The following KCNMA1 variants were observed in gnomAD, a reference collection of about 807,000 sequenced individuals.
KCNMA1 encodes Calcium-activated potassium channel subunit alpha-1.
Under a neutral mutation model 140.0 loss-of-function variants are expected in KCNMA1, and 29 were observed. The ratio of observed to expected loss-of-function variants is 0.21; its 90% CI spans 0.15 to 0.28. The LOEUF (loss-of-function observed/expected upper bound fraction) is 0.28, where lower values mean the gene tolerates loss of function less well. Among genes scored for constraint, KCNMA1 ranks in the 10% least tolerant of loss-of-function variants. KCNMA1 has a pLI of 1.00. For synonymous variants in KCNMA1, 612 were observed against 611.9 expected (o/e 1.00, Z 0.00); for missense variants, 880 against 1,602.2 (o/e 0.55, Z 7.70).
intron 3 of KCNMA1, chr10:77,217,558 G>T: frequency 2.2e-6 from 1 of 456,506 alleles, no homozygotes; most frequent in Non-Finnish European, 4.4e-6. Context: ...GTCTCCAGGA[G>T]CTGCCGAATG....
chr10:77,150,737 G>A (rs537175279), intron 5 of KCNMA1, among the ~76,000 whole-genome samples: 10 of 152,294 alleles, frequency 6.6e-5, no homozygotes, highest in East Asian at 5.8e-4. Flanking sequence ...TGTCAGAACC[G>A]CTGAGAGAGA....
chr10:77,454,224 C>A (rs998375238), intron 1 of KCNMA1, among the ~76,000 whole-genome samples: 3 of 152,138 alleles, frequency 2.0e-5, no homozygotes, highest in Non-Finnish European at 2.9e-5. Flanking sequence ...TCAAAAGACT[C>A]CCCACTTCTG....
At chr10:77,521,162 C>A (rs2053257942) in intron 1 of KCNMA1, among the ~76,000 whole-genome samples, 1 of 152,180 alleles carries the variant, frequency 6.6e-6, no homozygotes, top group African/African-American at 2.4e-5. Context: ...AAGAAAACAG[C>A]ATGTGCAAAG....
At chr10:76,959,796 A>C (rs2153046377) in intron 20 of KCNMA1, among the ~76,000 whole-genome samples, 1 of 152,352 alleles carries the variant, frequency 6.6e-6, no homozygotes, top group Non-Finnish European at 1.5e-5. Flanking sequence ...CCATGAGTCC[A>C]ACACTTCCAA....
chr10:77,375,498 G>A (rs1156494920), intron 2 of KCNMA1, among the ~76,000 whole-genome samples: 1 of 152,198 alleles, frequency 6.6e-6, no homozygotes, highest in African/African-American at 2.4e-5. Flanking sequence ...GGGCTACCAA[G>A]CAGCCACCAC....
chr10:77,040,667 T>C (rs930937411), intron 14 of KCNMA1, among the ~76,000 whole-genome samples: 1 of 152,188 alleles, frequency 6.6e-6, no homozygotes, highest in Admixed American at 6.5e-5. Context: ...TTTTCCTCTA[T>C]AGATTCCTGT....
Position 77,085,733 on chromosome 10 carries a change from T to C in KCNMA1, c.1440+755A>G, listed in dbSNP as rs574536315. ...GGATTATTCATCTTGGCCAATTATATTATTTACAAAATTATGCGGTGACCA... is the reference window on the plus strand; with the variant it reads ...GGATTATTCATCTTGGCCAATTATACTATTTACAAAATTATGCGGTGACCA... On this transcript the variant is annotated intron_variant, in intron 11 of 27. Transcript: ENST00000286628. Among the ~76,000 whole-genome samples, 8 of 152,340 alleles carry C rather than the reference T, an allele frequency of 5.3e-5. 1 individual carries two copies. The South Asian group carries it at 1.7e-3, about 32-fold the overall frequency.
intron 5 of KCNMA1, among the ~76,000 whole-genome samples, chr10:77,173,665 TTTTC>T (rs1260764309): frequency 1.3e-5 from 2 of 152,162 alleles, no homozygotes; most frequent in African/African-American, 4.8e-5. Flanking sequence ...ATACTTTTTC[TTTTC>T]TTTATTTCAC....
intron 20 of KCNMA1, among the ~76,000 whole-genome samples, chr10:76,959,804 C>T (rs1046142907): frequency 3.3e-5 from 5 of 152,218 alleles, no homozygotes; most frequent in African/African-American, 1.2e-4. Flanking sequence ...CCAACACTTC[C>T]AAATGTTGGT....
intron 1 of KCNMA1, among the ~76,000 whole-genome samples, chr10:77,464,225 T>G (rs2097934030): frequency 6.6e-6 from 1 of 152,116 alleles, no homozygotes; most frequent in Non-Finnish European, 1.5e-5. Flanking sequence ...GTGAGGCTTG[T>G]TTCTTTCTCC....
chr10:77,506,189 T>C (rs2045734700), intron 1 of KCNMA1, among the ~76,000 whole-genome samples: 1 of 152,132 alleles, frequency 6.6e-6, no homozygotes, highest in Non-Finnish European at 1.5e-5. Context: ...TAGAGCTAAT[T>C]AGAGTTTCTT....
rs77693798 is a variant in KCNMA1, at chr10:77,217,606, A to G, written c.603-32690T>C. 39 of 443,360 alleles carry G rather than the reference A, an allele frequency of 8.8e-5. No individual in the cohort carries two copies. The East Asian group carries it at 2.4e-3, about 27-fold the overall frequency. The allele number at this position is 443,360 out of a possible 1,614,324, so 27.5% of individuals were successfully genotyped here. On this transcript the variant is annotated intron_variant, in intron 3 of 27. Coordinates refer to ENST00000286628, the MANE Select transcript of KCNMA1 (RefSeq NM_001161352.2). The stretch of plus-strand genomic sequence containing the variant: ...TACTTACAGATGACACAGACAGAAC[A>G]AAGTGGAAAATGAGAAACAAAAGGA...
intron 5 of KCNMA1, among the ~76,000 whole-genome samples, chr10:77,170,858 C>T (rs1203834760): frequency 6.6e-6 from 1 of 152,098 alleles, no homozygotes; most frequent in Non-Finnish European, 1.5e-5. Flanking sequence ...GATCCAAGAG[C>T]TATGGGAAAA....
intron 14 of KCNMA1, among the ~76,000 whole-genome samples, chr10:77,040,707 T>C (rs2094617506): frequency 6.6e-6 from 1 of 152,218 alleles, no homozygotes; most frequent in South Asian, 2.1e-4. Flanking sequence ...AATAAGCATG[T>C]ATATATTATA....
chr10:76,910,354 C>CA (rs1350701930), intron 24 of KCNMA1: 3 of 460,242 alleles, frequency 6.5e-6, no homozygotes, highest in Non-Finnish European at 4.1e-6. Context: ...ACTGGAGGAC[C>CA]AATAGACTGT....
intron 2 of KCNMA1, among the ~76,000 whole-genome samples, chr10:77,351,117 G>C (rs1164586424): frequency 6.6e-6 from 1 of 152,214 alleles, no homozygotes; most frequent in Non-Finnish European, 1.5e-5. Context: ...ACAATGTAAA[G>C]AGATACGATT....
At chr10:77,583,431 G>C (rs2076403136) in intron 1 of KCNMA1, among the ~76,000 whole-genome samples, 2 of 152,212 alleles carry the variant, frequency 1.3e-5, no homozygotes, top group Admixed American at 1.3e-4. Context: ...GAAGGCATAT[G>C]GCATCTCTGA....
chr10:77,321,834 T>C (rs762838669), intron 2 of KCNMA1, among the ~76,000 whole-genome samples: 3 of 152,158 alleles, frequency 2.0e-5, no homozygotes, highest in African/African-American at 7.2e-5. Flanking sequence ...AAGTTCTAGT[T>C]CCATTCAGTT....
At chr10:77,193,369 T>G (rs2039269178) in intron 3 of KCNMA1, among the ~76,000 whole-genome samples, 1 of 152,200 alleles carries the variant, frequency 6.6e-6, no homozygotes, top group Non-Finnish European at 1.5e-5. Flanking sequence ...AACAGAGTCT[T>G]TCCAAACAAG....
Sources: allele counts gnomAD v4.1 joint callset (sites outside exome capture counted in the v4.1 genomes callset), GRCh38; gene constraint gnomAD v4.1.1; transcripts MANE v1.5; gene names NCBI Gene and HGNC (gene_info 2026-07-23, HGNC 2026-07-21).